Variants in GSE1 observed in about 807,000 individuals in gnomAD.
GSE1 encodes the protein Gse1 coiled-coil protein.
Under a neutral mutation model 112.6 loss-of-function variants are expected in GSE1, and 32 were observed. That is an observed-to-expected ratio of 0.28 (90% CI 0.21 to 0.38). The LOEUF is 0.38. Among genes scored for constraint, GSE1 ranks in the 10% least tolerant of loss-of-function variants. The pLI, the probability that GSE1 is intolerant of heterozygous loss-of-function variation, is 1.00. For missense variants in GSE1, 2,348 were observed against 1,699.2 expected, an observed-to-expected ratio of 1.38 and a Z score of -6.71; for synonymous variants, 1,115 against 735.6, an observed-to-expected ratio of 1.52 and a Z score of -8.35.
chr16:85,356,471 C>T (rs745664550), intron 1 of GSE1, among the ~76,000 whole-genome samples: 6 of 152,204 alleles, frequency 3.9e-5, no homozygotes, highest in Non-Finnish European at 7.3e-5. Context: ...CTCCCTTTGA[C>T]TCCCCTTGGT....
intron 2 of GSE1, among the ~76,000 whole-genome samples, chr16:85,541,529 G>T (rs923093940): frequency 1.1e-4 from 17 of 152,208 alleles, no homozygotes; most frequent in Admixed American, 4.6e-4. Context: ...GGCCCACACT[G>T]TCCCCCACTT....
chr16:85,588,268 C>T (rs1387670136), intron 1 of GSE1, among the ~76,000 whole-genome samples: 2 of 152,242 alleles, frequency 1.3e-5, no homozygotes, highest in East Asian at 1.9e-4. Context: ...TACATGGCAT[C>T]GGCCACCAGC....
intron 1 of GSE1, among the ~76,000 whole-genome samples, chr16:85,237,189 G>T (rs1663372088): frequency 6.6e-6 from 1 of 152,168 alleles, no homozygotes; most frequent in South Asian, 2.1e-4. Flanking sequence ...CAGGCGTGGT[G>T]GCGGTCGCCT....
chr16:85,452,255 T>C (rs975956014), intron 2 of GSE1, among the ~76,000 whole-genome samples: 1 of 152,194 alleles, frequency 6.6e-6, no homozygotes, highest in Non-Finnish European at 1.5e-5. Context: ...GTGATGATGT[T>C]TGATGGCCCT....
chr16:85,433,753 G>A (rs1005723385), intron 2 of GSE1, among the ~76,000 whole-genome samples: 1 of 152,120 alleles, frequency 6.6e-6, no homozygotes, highest in Admixed American at 6.5e-5. Flanking sequence ...ATCAATGGAT[G>A]CTGGATGGAT....
chr16:85,644,477 C>G (rs1400702288), intron 2 of GSE1, among the ~76,000 whole-genome samples: 1 of 152,136 alleles, frequency 6.6e-6, no homozygotes, highest in South Asian at 2.1e-4. Context: ...TGGACTGTCA[C>G]TTAGCCGCGG....
intron 2 of GSE1, among the ~76,000 whole-genome samples, chr16:85,403,292 A>G (rs950367611): frequency 6.6e-6 from 1 of 152,268 alleles, no homozygotes; most frequent in South Asian, 2.1e-4. Flanking sequence ...CACCTGTGCC[A>G]TGTTCCATTC....
At chr16:85,525,563 TC>T (rs1367681279) in intron 2 of GSE1, among the ~76,000 whole-genome samples, 1 of 152,152 alleles carries the variant, frequency 6.6e-6, no homozygotes, top group East Asian at 1.9e-4. Flanking sequence ...TGGGAGCTGA[TC>T]CCCCAAATGG....
intron 2 of GSE1, among the ~76,000 whole-genome samples, chr16:85,510,865 C>G (rs1241776172): frequency 6.6e-6 from 1 of 152,218 alleles, no homozygotes; most frequent in Non-Finnish European, 1.5e-5. Flanking sequence ...CCCTGAAGCG[C>G]TGTTCCCAGG....
intron 1 of GSE1, among the ~76,000 whole-genome samples, chr16:85,613,817 C>T (rs1299391769): frequency 2.1e-5 from 3 of 145,636 alleles, no homozygotes; most frequent in African/African-American, 7.8e-5. Context: ...TGGCTGTGCG[C>T]CCCCGCGGCA....
chr16:85,488,703 G>C, intron 2 of GSE1, among the ~76,000 whole-genome samples: 1 of 152,180 alleles, frequency 6.6e-6, no homozygotes, highest in East Asian at 1.9e-4. Flanking sequence ...CAGGAGTTGT[G>C]AGGTGGAGAG....
chr16:85,589,602 A>AGT (rs1349949980), intron 1 of GSE1, among the ~76,000 whole-genome samples: 1 of 151,866 alleles, frequency 6.6e-6, no homozygotes, highest in Non-Finnish European at 1.5e-5. Flanking sequence ...TGTGTGACCC[A>AGT]GTGTGTGTGT....
At chr16:85,501,717 G>C (rs1422155970) in intron 2 of GSE1, among the ~76,000 whole-genome samples, 1 of 152,168 alleles carries the variant, frequency 6.6e-6, no homozygotes, top group East Asian at 1.9e-4. Flanking sequence ...ATCTTTTGGA[G>C]GTACCAGTTC....
intron 2 of GSE1, among the ~76,000 whole-genome samples, chr16:85,518,251 G>A (rs973101106): frequency 1.3e-5 from 2 of 152,352 alleles, no homozygotes; most frequent in South Asian, 4.1e-4. Context: ...CTCTCTGGGT[G>A]TGAGGGCCCA....
At chr16:85,545,118 G>A (rs1244262636) in intron 2 of GSE1, among the ~76,000 whole-genome samples, 1 of 152,240 alleles carries the variant, frequency 6.6e-6, no homozygotes, top group African/African-American at 2.4e-5. Context: ...CCCTCCAAAA[G>A]TGGCCCGTCT....
At chr16:85,262,576 T>C (rs966921158) in intron 1 of GSE1, among the ~76,000 whole-genome samples, 6 of 152,210 alleles carry the variant, frequency 3.9e-5, no homozygotes, top group African/African-American at 1.4e-4. Context: ...GCCATTAGAC[T>C]GTGGGCTTGT....
rs1173828001 is a variant in GSE1 at position 85,673,172 on chromosome 16, C to CGTTTG, written c.*633_*634insGTTTG. The stretch of plus-strand genomic sequence containing the variant: ...CCTAAAGATAAAACCAATTCACAAA[C>CGTTTG]TGAAGGTAGCTTTTTATTACTCCGT... On this transcript the variant is annotated 3_prime_UTR_variant, in exon 16 of 16. Coordinates refer to ENST00000253458, the MANE Select transcript of GSE1 (RefSeq NM_014615.5). 2.0e-5 allele frequency: 3 copies of CGTTTG among 152,588 alleles called. No homozygotes were observed. Among genetic ancestry groups the CGTTTG allele is most frequent in the African/African-American group, 7.2e-5 (3 of 41,436 alleles). The allele number at this position is 152,588 out of a possible 1,614,324, so 9.5% of individuals were successfully genotyped here.
chr16:85,519,728 T>G (rs1391024225), intron 2 of GSE1, among the ~76,000 whole-genome samples: 1 of 75,204 alleles, frequency 1.3e-5, no homozygotes, highest in Non-Finnish European at 2.7e-5. Flanking sequence ...ATCATCACCA[T>G]CACCATCACC....
At chr16:85,557,283 G>A (rs563445867) in intron 1 of GSE1, among the ~76,000 whole-genome samples, 1 of 152,316 alleles carries the variant, frequency 6.6e-6, no homozygotes, top group South Asian at 2.1e-4. Flanking sequence ...CGTGACGCAG[G>A]TCAGGAAGGC....
Sources: allele counts gnomAD v4.1 joint callset (sites outside exome capture counted in the v4.1 genomes callset), GRCh38; gene constraint gnomAD v4.1.1; transcripts MANE v1.5; gene names NCBI Gene and HGNC (gene_info 2026-07-23, HGNC 2026-07-21).